GLCCI1: variants seen among roughly 807,000 people sequenced by gnomAD.
GLCCI1 encodes the protein glucocorticoid induced 1.
Under a neutral mutation model 52.2 loss-of-function variants are expected in GLCCI1, and 24 were observed. The ratio of observed to expected loss-of-function variants is 0.46; its 90% CI spans 0.33 to 0.65. The LOEUF is 0.65. Among genes scored for constraint, GLCCI1 ranks in the 30% least tolerant of loss-of-function variants. The probability of loss-of-function intolerance (pLI) is 0.02; values close to 1 mark genes in which losing one functional copy is unlikely to be tolerated. For missense variants in GLCCI1, 704 were observed against 701.5 expected (o/e 1.00, Z -0.04); for synonymous variants, 310 against 276.5 (o/e 1.12, Z -1.20).
At chr7:7,996,786 C>G (rs898409003) in intron 1 of GLCCI1, among the ~76,000 whole-genome samples, 3 of 152,148 alleles carry the variant, frequency 2.0e-5, no homozygotes, top group Non-Finnish European at 4.4e-5. Context: ...TTTCCAGATT[C>G]TGCAGGGCAG....
rs140316258 is a variant in GLCCI1, at chr7:8,030,100, G to T, written c.696+7531G>T. Among the ~76,000 whole-genome samples, 61 of 152,140 alleles carry T rather than the reference G, an allele frequency of 4.0e-4. No homozygotes were observed. The East Asian group carries it at 0.011, about 27-fold the overall frequency. On this transcript the variant is annotated intron_variant, in intron 3 of 7. Transcript: ENST00000223145. ...CAGAATAGCCAAAGCTGTCCTAAGC[G>T]AAAAGAACAAAACCGGAGGAATGAC...
chr7:8,084,904 G>A lies in GLCCI1; in HGVS notation c.1185G>A (p.Gly395=). The A allele has an allele frequency of 6.2e-7, 1 of 1,613,840 alleles. No individual in the cohort carries two copies. The highest frequency in any genetic ancestry group is 2.2e-5 in the East Asian group (1 of 44,870). ...DLLYDRDKDS[G]SSSPLPKYAS... ...ACTGCTTTAAATTTACAGACAGTGG[G>A]AGTAGCTCACCGTTACCCAAGTATG... The change falls in exon 7 of 8, where the codon GGG becomes GGA. Residue 395 remains glycine, a synonymous_variant. Coordinates refer to ENST00000223145, the MANE Select transcript of GLCCI1 (RefSeq NM_138426.4).
intron 1 of GLCCI1, among the ~76,000 whole-genome samples, chr7:7,998,176 GTTT>G (rs71014742): frequency 0.59 from 84,702 of 143,730 alleles, 24,518 homozygotes; most frequent in Middle Eastern, 0.66. Context: ...AGTTTTTTTT[GTTT>G]TTTTTTTTTT....
At chr7:8,026,075 T>G (rs1583981982) in intron 3 of GLCCI1, among the ~76,000 whole-genome samples, 1 of 152,142 alleles carries the variant, frequency 6.6e-6, no homozygotes, top group African/African-American at 2.4e-5. Context: ...TTCAACATTG[T>G]TTGGTTGGAT....
intron 1 of GLCCI1, among the ~76,000 whole-genome samples, chr7:7,978,419 A>C (rs995653165): frequency 6.6e-6 from 1 of 150,580 alleles, no homozygotes; most frequent in African/African-American, 2.4e-5. Flanking sequence ...ACACTACCTT[A>C]AAAAAATTAT....
At position 8,087,757 on chromosome 7, in the gene GLCCI1, G is replaced by C. The variant is rs115138837; in HGVS notation, c.*1219G>C. ...CAGGTTTTTTTGGTGACTTACAAGA[G>C]CAATAGTTTGAAGCTATCTCATTTA... On this transcript the variant is annotated 3_prime_UTR_variant, in exon 8 of 8. Coordinates refer to ENST00000223145, the MANE Select transcript of GLCCI1 (RefSeq NM_138426.4). 1 of 152,594 alleles carries C rather than the reference G, an allele frequency of 6.6e-6. No individual in the cohort carries two copies. The highest frequency in any genetic ancestry group is 1.5e-5 in the Non-Finnish European group (1 of 68,034). The allele number at this position is 152,594 out of a possible 1,614,324, so 9.5% of individuals were successfully genotyped here.
chr7:8,072,199 CCT>C (rs1224482402), intron 6 of GLCCI1, among the ~76,000 whole-genome samples: 17 of 152,242 alleles, frequency 1.1e-4, no homozygotes, highest in Non-Finnish European at 2.1e-4. Flanking sequence ...TTTAATTTCC[CCT>C]GTTACTAGAC....
rs758792298 is a variant in GLCCI1, at chr7:8,007,313, T to C, written c.609+3254T>C. The stretch of plus-strand genomic sequence containing the variant: ...TACATTAATATGTACTACATACATA[T>C]TACATCGTTATGTAATATGTACTAC... On this transcript the variant is annotated intron_variant, in intron 2 of 7. Coordinates refer to ENST00000223145, the MANE Select transcript of GLCCI1 (RefSeq NM_138426.4). Among the ~76,000 whole-genome samples the C allele has an allele frequency of 4.6e-5, 7 of 152,336 alleles. No homozygotes were observed. The South Asian group carries it at 1.4e-3, about 32-fold the overall frequency.
Position 8,052,079 on chromosome 7 carries a change from C to T in GLCCI1, c.697-3354C>T, listed in dbSNP as rs564167648. ...TGTGAATTAGATAAAAGCACCCCCTCTTAAGTAGATGTAGCCCCATTAGCA... is the reference window on the plus strand; with the variant it reads ...TGTGAATTAGATAAAAGCACCCCCTTTTAAGTAGATGTAGCCCCATTAGCA... On this transcript the variant is annotated intron_variant, in intron 3 of 7. Transcript: ENST00000223145. Among the ~76,000 whole-genome samples, 11 of 152,276 alleles carry T rather than the reference C, an allele frequency of 7.2e-5. No homozygotes were observed. In the South Asian group the frequency reaches 1.9e-3, roughly 26 times the overall value.
intron 1 of GLCCI1, among the ~76,000 whole-genome samples, chr7:7,983,208 T>C (rs1780657555): frequency 8.8e-6 from 1 of 113,240 alleles, no homozygotes; most frequent in African/African-American, 3.2e-5. Context: ...CCTCTGACTA[T>C]AACCATGTAA....
intron 1 of GLCCI1, chr7:7,980,922 TC>T: frequency 1.7e-6 from 1 of 603,042 alleles, no homozygotes. Context: ...TAATCCCTGA[TC>T]AATCACCAGA....
At position 8,086,648 on chromosome 7, in the gene GLCCI1, C is replaced by A; in HGVS notation, c.*110C>A. On this transcript the variant is annotated 3_prime_UTR_variant, in exon 8 of 8. Coordinates refer to ENST00000223145, the MANE Select transcript of GLCCI1 (RefSeq NM_138426.4). This position sits in a 1 kb window ranked among gnomAD's most constrained non-coding sequence, Gnocchi z 4.4. ...CACCACCACCACCAATAATACTTAT[C>A]AGCATCATAAAGTATCTCTTAAACA... 1 of 844,430 alleles carries A rather than the reference C, an allele frequency of 1.2e-6. No homozygotes were observed. The highest frequency in any genetic ancestry group is 1.9e-6 in the Non-Finnish European group (1 of 539,068). 52.3% of individuals were successfully genotyped at this position (844,430 alleles called of 1,614,324 possible). A position where few individuals can be genotyped will look rare whatever the true frequency, so the allele number is the denominator to read the frequency against.
At chr7:8,062,515 G>A (rs970554186) in intron 5 of GLCCI1, among the ~76,000 whole-genome samples, 1 of 152,106 alleles carries the variant, frequency 6.6e-6, no homozygotes, top group Non-Finnish European at 1.5e-5. Context: ...TTCTTACATA[G>A]GTAAGTTGTA....
chr7:8,050,754 T>C (rs1296565186), intron 3 of GLCCI1, among the ~76,000 whole-genome samples: 2 of 152,212 alleles, frequency 1.3e-5, no homozygotes, highest in Non-Finnish European at 2.9e-5. Flanking sequence ...AGAATGGTGA[T>C]GAAGAGAGCA....
intron 6 of GLCCI1, 143 bp from the exon 7 acceptor site, chr7:8,084,754 T>G: frequency 1.4e-6 from 1 of 711,292 alleles, no homozygotes; most frequent in Non-Finnish European, 2.3e-6. Flanking sequence ...CTACACAGGG[T>G]ATAAGAAATA....
At chr7:8,009,256 G>A (rs76227792) in intron 2 of GLCCI1, among the ~76,000 whole-genome samples, 4,407 of 152,152 alleles carry the variant, frequency 0.029, 205 homozygotes, top group African/African-American at 0.093. Context: ...AATTGAACTT[G>A]CAATTAAGGT....
chr7:8,020,032 C>T (rs1781454457), intron 2 of GLCCI1, among the ~76,000 whole-genome samples: 1 of 152,174 alleles, frequency 6.6e-6, no homozygotes, highest in East Asian at 1.9e-4. Flanking sequence ...CTTACCATAA[C>T]ATTTTTACTT....
At position 7,968,834 on chromosome 7, in the gene GLCCI1, C is replaced by A. The variant is rs138627116; in HGVS notation, c.-517C>A. The stretch of plus-strand genomic sequence containing the variant: ...AGTGAGGAGTGGGTAGAAGCGGCGG[C>A]GGCGGCGGCGGCGTTTGCGGTGGCG... On this transcript the variant is annotated 5_prime_UTR_variant, in exon 1 of 8. Transcript: ENST00000223145. 2 of 160,536 alleles carry A rather than the reference C, an allele frequency of 1.2e-5. No individual in the cohort carries two copies. The highest frequency in any genetic ancestry group is 3.1e-4 in the South Asian group (2 of 6,518). 9.9% of individuals were successfully genotyped at this position (160,536 alleles called of 1,614,324 possible).
chr7:8,012,015 C>T (rs368725178), intron 2 of GLCCI1, among the ~76,000 whole-genome samples: 1 of 152,010 alleles, frequency 6.6e-6, no homozygotes, highest in Non-Finnish European at 1.5e-5. Context: ...CGGGGTTTCA[C>T]TGTGTTAGCC....
Sources: allele counts gnomAD v4.1 joint callset (sites outside exome capture counted in the v4.1 genomes callset), GRCh38; gene constraint gnomAD v4.1.1; non-coding constraint Gnocchi (gnomAD v3.1); transcripts MANE v1.5; gene names NCBI Gene and HGNC (gene_info 2026-07-23, HGNC 2026-07-21).